Variants in OR2T6 observed in about 807,000 individuals in gnomAD.
OR2T6 encodes olfactory receptor 2T6.
For synonymous variants in OR2T6, 174 were observed against 148.0 expected, an observed-to-expected ratio of 1.18 and a Z score of -1.27; for missense variants, 424 against 391.6, an observed-to-expected ratio of 1.08 and a Z score of -0.70.
intron 1 of OR2T6, among the ~76,000 whole-genome samples, chr1:248,382,081 CGTGG>C (rs1385252755): frequency 2.0e-5 from 3 of 152,128 alleles, no homozygotes; most frequent in African/African-American, 7.2e-5. Flanking sequence ...TTTCAGTATC[CGTGG>C]CCACACAATT....
At chr1:248,380,549 T>A (rs1036011366) in intron 1 of OR2T6, among the ~76,000 whole-genome samples, 6 of 152,106 alleles carry the variant, frequency 3.9e-5, no homozygotes, top group African/African-American at 1.4e-4. Flanking sequence ...GGGTTGAATC[T>A]TTATTAACAT....
In OR2T6 at chr1:248,387,873, G is replaced by A. The variant is rs61736246; in HGVS notation, c.265G>A (p.Glu89Lys). Residue 89 changes from glutamate to lysine, a missense_variant, in exon 3 of 3, where the codon GAG (glutamate) becomes AAG (lysine). Transcript: ENST00000641644. ...GATGCTGGTAGATTATCTCATGGGC[G>A]AGGGGACCATCTCTTTCATCGCCTG... ...PKMLVDYLMG[E>K]GTISFIACTA... 1,777 of 1,596,628 alleles carry A rather than the reference G, an allele frequency of 1.1e-3. 18 individuals are homozygous for A. In the African/African-American group the frequency reaches 0.021, roughly 19 times the overall value.
In OR2T6 at chr1:248,388,829, A is replaced by G; in HGVS notation, c.*294A>G. ...ACTTCTCTGATTGCAGTTTGTGTAT[A>G]TGAATGCCCCAAAATGTTGAGTTAA... On this transcript the variant is annotated 3_prime_UTR_variant, in exon 3 of 3. Coordinates refer to ENST00000641644, the MANE Select transcript of OR2T6 (RefSeq NM_001005471.2). 2.7e-6 allele frequency: 1 copy of G among 375,730 alleles called. No homozygotes were observed. The highest frequency in any genetic ancestry group is 4.8e-6 in the Non-Finnish European group (1 of 210,512). 23.3% of individuals were successfully genotyped at this position (375,730 alleles called of 1,614,324 possible).
At chr1:248,376,186 G>A (rs1347058684) in intron 1 of OR2T6, 132 bp downstream of exon 1, 1 of 152,148 alleles carries the variant, frequency 6.6e-6, no homozygotes, top group African/African-American at 2.4e-5. Flanking sequence ...CAGATATTTT[G>A]TGCATGTTCA....
At chr1:248,380,228 GTCT>G (rs994680678) in intron 1 of OR2T6, among the ~76,000 whole-genome samples, 3 of 151,544 alleles carry the variant, frequency 2.0e-5, no homozygotes, top group Non-Finnish European at 4.4e-5. Context: ...CTTTAAAATC[GTCT>G]TCTTCATTAA....
At chr1:248,382,514 C>T (rs977239580) in intron 1 of OR2T6, among the ~76,000 whole-genome samples, 1 of 147,762 alleles carries the variant, frequency 6.8e-6, no homozygotes, top group Non-Finnish European at 1.5e-5. Context: ...TTCCAATACT[C>T]CATGTCTACC....
In OR2T6 at chr1:248,391,267, A is replaced by G. The variant is rs1175438591; in HGVS notation, c.*2732A>G. 6.6e-6 allele frequency: 1 copy of G among 152,208 alleles called. No individual in the cohort carries two copies. The highest frequency in any genetic ancestry group is 2.4e-5 in the African/African-American group (1 of 41,450). 9.4% of individuals were successfully genotyped at this position (152,208 alleles called of 1,614,324 possible). ...AAAGTGTGGCACATGCATACAGTGG[A>G]ATATTATTTAGTGTTAAAAATAAAT... On this transcript the variant is annotated 3_prime_UTR_variant, in exon 3 of 3. Transcript: ENST00000641644.
intron 1 of OR2T6, among the ~76,000 whole-genome samples, chr1:248,382,705 G>C (rs905662756): frequency 4.0e-5 from 6 of 151,872 alleles, no homozygotes; most frequent in Non-Finnish European, 1.5e-5. Flanking sequence ...GCTAACTTTT[G>C]TAGAGACAGG....
chr1:248,384,154 C>T (rs530642571), intron 1 of OR2T6, among the ~76,000 whole-genome samples: 1 of 59,108 alleles, frequency 1.7e-5, no homozygotes. Flanking sequence ...AAGCACTGCA[C>T]TAGCCTGAGT....
chr1:248,381,142 AT>A (rs1333752987), intron 1 of OR2T6, among the ~76,000 whole-genome samples: 1 of 151,860 alleles, frequency 6.6e-6, no homozygotes, highest in Non-Finnish European at 1.5e-5. Context: ...ATTTTAAACC[AT>A]TTTAATAGAC....
intron 1 of OR2T6, among the ~76,000 whole-genome samples, chr1:248,381,761 C>G (rs931814955): frequency 6.6e-6 from 1 of 151,762 alleles, no homozygotes; most frequent in Non-Finnish European, 1.5e-5. Context: ...TATATTTAAC[C>G]TGAATTCAAC....
chr1:248,388,784 T>C lies in OR2T6; in HGVS notation c.*249T>C, dbSNP rs1661197249. The C allele has an allele frequency of 4.6e-6, 2 of 431,242 alleles. No individual in the cohort carries two copies. Among genetic ancestry groups the C allele is most frequent in the Non-Finnish European group, 8.1e-6 (2 of 245,464 alleles). 26.7% of individuals were successfully genotyped at this position (431,242 alleles called of 1,614,324 possible). ...TTATTCTTCTTTTGTTTCTACTGAT[T>C]CCAAGTCTTCTCTCATATCACTTCT... On this transcript the variant is annotated 3_prime_UTR_variant, in exon 3 of 3. Transcript: ENST00000641644.
At chr1:248,386,649 T>G (rs554891258) in intron 2 of OR2T6, among the ~76,000 whole-genome samples, 1 of 152,360 alleles carries the variant, frequency 6.6e-6, no homozygotes, top group East Asian at 1.9e-4. Context: ...CCGGCCTGCA[T>G]ACCTTGAAGA....
In OR2T6 at chr1:248,375,963, C is replaced by G. The variant is rs532434403; in HGVS notation, c.-250C>G. On this transcript the variant is annotated 5_prime_UTR_variant, in exon 1 of 3. Coordinates refer to ENST00000641644, the MANE Select transcript of OR2T6 (RefSeq NM_001005471.2). ...AGATCAAGAAGGTTCCCTTTTATCTCTTGTTTCTAAGGTCTCACCTCTTGT... is the reference window on the plus strand; with the variant it reads ...AGATCAAGAAGGTTCCCTTTTATCTGTTGTTTCTAAGGTCTCACCTCTTGT... 1 of 152,086 alleles carries G rather than the reference C, an allele frequency of 6.6e-6. No homozygotes were observed. Among genetic ancestry groups the G allele is most frequent in the South Asian group, 2.1e-4 (1 of 4,816 alleles). 9.4% of individuals were successfully genotyped at this position (152,086 alleles called of 1,614,324 possible).
In OR2T6 at chr1:248,378,425, G is replaced by A. The variant is rs550388615; in HGVS notation, c.-159+2371G>A. Reference sequence around the variant, plus strand: ...TTGAGCCACTTGATCTGGAGTGTGCGTTTTAAAGTCTTACTCTTTACCTCT... The same window carrying A: ...TTGAGCCACTTGATCTGGAGTGTGCATTTTAAAGTCTTACTCTTTACCTCT... On this transcript the variant is annotated intron_variant, in intron 1 of 2. Coordinates refer to ENST00000641644, the MANE Select transcript of OR2T6 (RefSeq NM_001005471.2). 2.7e-4 allele frequency among the ~76,000 whole-genome samples: 40 copies of A among 150,174 alleles called. 1 individual carries two copies. Among genetic ancestry groups the A allele is most frequent in the Non-Finnish European group, 4.0e-4 (27 of 68,010 alleles).
chr1:248,380,237 A>G (rs1172708433), intron 1 of OR2T6, among the ~76,000 whole-genome samples: 1 of 152,026 alleles, frequency 6.6e-6, no homozygotes, highest in African/African-American at 2.4e-5. Flanking sequence ...CGTCTTCTTC[A>G]TTAAAATTTC....
intron 1 of OR2T6, among the ~76,000 whole-genome samples, chr1:248,379,799 G>T (rs1558304591): frequency 6.6e-6 from 1 of 152,012 alleles, no homozygotes; most frequent in Non-Finnish European, 1.5e-5. Flanking sequence ...TTTTGGGAAA[G>T]CAGAATTCCA....
At chr1:248,380,797 A>AG (rs974789078) in intron 1 of OR2T6, among the ~76,000 whole-genome samples, 2 of 151,598 alleles carry the variant, frequency 1.3e-5, no homozygotes, top group Non-Finnish European at 1.5e-5. Flanking sequence ...AAAAAAAAAA[A>AG]AGAGATTGTC....
In OR2T6 at chr1:248,388,502, G is replaced by T; in HGVS notation, c.894G>T (p.Met298Ile). 2.5e-6 allele frequency: 4 copies of T among 1,586,664 alleles called. No homozygotes were observed. Among genetic ancestry groups the T allele is most frequent in the Non-Finnish European group, 3.4e-6 (4 of 1,167,388 alleles). The change falls in exon 3 of 3, where the codon ATG becomes ATT. Residue 298 changes from methionine (M) to isoleucine (I), a missense_variant. By Grantham distance (10) the Met-to-Ile change is conservative (BLOSUM62 1). Transcript: ENST00000641644. Reference sequence around the variant, plus strand: ...ACAGTCTGAGGAACAGGGATGTGATGGGTGCCTTGAAGAGAGTTGTGGCAA... The same window carrying T: ...ACAGTCTGAGGAACAGGGATGTGATTGGTGCCTTGAAGAGAGTTGTGGCAA... ...LIYSLRNRDV[M>I]GALKRVVARC
Sources: allele counts gnomAD v4.1 joint callset (sites outside exome capture counted in the v4.1 genomes callset), GRCh38; gene constraint gnomAD v4.1.1; transcripts MANE v1.5; gene names NCBI Gene and HGNC (gene_info 2026-07-23, HGNC 2026-07-21).